CLSTN2: variants seen among roughly 807,000 people sequenced by gnomAD.
CLSTN2 encodes calsyntenin-2.
A neutral mutation model predicts 101.2 loss-of-function variants in CLSTN2; 48 were observed. That is an observed-to-expected ratio of 0.47 (90% CI 0.38 to 0.60). CLSTN2 has a LOEUF of 0.60. CLSTN2 is among the 20% of genes least tolerant of loss of function. The pLI is 0.00. For synonymous variants in CLSTN2, 481 were observed against 463.6 expected, an observed-to-expected ratio of 1.04 and a Z score of -0.48; for missense variants, 1,160 against 1,238.2, an observed-to-expected ratio of 0.94 and a Z score of 0.95.
chr3:140,018,048 T>C (rs1306304340), intron 1 of CLSTN2, among the ~76,000 whole-genome samples: 1 of 152,238 alleles, frequency 6.6e-6, no homozygotes, highest in East Asian at 1.9e-4. Flanking sequence ...ATGGAGGGCT[T>C]TGTTCTTTTG....
Position 140,563,108 on chromosome 3 carries a change from C to G in CLSTN2, c.2387C>G (p.Ser796Ter), listed in dbSNP as rs1935951684. The G allele has an allele frequency of 6.2e-7, 1 of 1,614,006 alleles. No individual in the cohort carries two copies. Among genetic ancestry groups the G allele is most frequent in the African/African-American group, 1.3e-5 (1 of 74,918 alleles). ...EVSILHEDQV[S>*]DKEHVNHLIV... Reference sequence around the variant, plus strand: ...AGCATCCTTCATGAAGACCAAGTCTCAGATAAGGAGCATGTCAATCATCTG... The same window carrying G: ...AGCATCCTTCATGAAGACCAAGTCTGAGATAAGGAGCATGTCAATCATCTG... Residue 796 changes from serine to a stop codon, truncating the protein, a stop_gained, in exon 15 of 17, where the codon TCA becomes TGA. Coordinates refer to ENST00000458420, the MANE Select transcript of CLSTN2 (RefSeq NM_022131.3). LOFTEE classifies it high-confidence loss of function.
At chr3:140,075,673 A>G (rs2008474745) in intron 1 of CLSTN2, among the ~76,000 whole-genome samples, 1 of 152,120 alleles carries the variant, frequency 6.6e-6, no homozygotes, top group African/African-American at 2.4e-5. Context: ...TGGTGTCAAG[A>G]AGCTATTATG....
chr3:140,000,273 A>G (rs908715875), intron 1 of CLSTN2, among the ~76,000 whole-genome samples: 1 of 152,210 alleles, frequency 6.6e-6, no homozygotes, highest in Non-Finnish European at 1.5e-5. Context: ...TTTAGAATTG[A>G]CAGAGAACCT....
At chr3:140,019,940 T>G (rs16849694) in intron 1 of CLSTN2, among the ~76,000 whole-genome samples, 13,547 of 152,084 alleles carry the variant, frequency 0.089, 1,784 homozygotes, top group African/African-American at 0.29. Flanking sequence ...GGGAAGGTGA[T>G]GAATGTTCTG....
chr3:140,562,263 C>A lies in CLSTN2; in HGVS notation c.2167C>A (p.Arg723=). The change falls in exon 13 of 17, where the codon CGA becomes AGA. Residue 723 remains arginine, a synonymous_variant. Transcript: ENST00000458420. ...LELNHSELHQ[R]HLDATNSTAG... ...GCTCAACCACAGTGAGCTCCACCAA[C>A]GACACCTGGATGCCACTAATTCTAC... is the stretch of plus-strand genomic sequence containing the variant. The A allele has an allele frequency of 1.2e-6, 2 of 1,613,970 alleles. No homozygotes were observed. The highest frequency in any genetic ancestry group is 1.7e-6 in the Non-Finnish European group (2 of 1,179,936).
At chr3:139,951,932 G>A (rs1465957702) in intron 1 of CLSTN2, among the ~76,000 whole-genome samples, 2 of 151,980 alleles carry the variant, frequency 1.3e-5, no homozygotes, top group African/African-American at 4.8e-5. Flanking sequence ...AGAGGTGAGG[G>A]TTTTTATTTT....
intron 1 of CLSTN2, among the ~76,000 whole-genome samples, chr3:140,015,100 T>C (rs2007174864): frequency 6.6e-6 from 1 of 152,082 alleles, no homozygotes; most frequent in Non-Finnish European, 1.5e-5. Flanking sequence ...ATAGGGGTGG[T>C]TTGGAGCAGC....
At chr3:140,005,644 G>A (rs2006939369) in intron 1 of CLSTN2, among the ~76,000 whole-genome samples, 1 of 152,152 alleles carries the variant, frequency 6.6e-6, no homozygotes, top group Non-Finnish European at 1.5e-5. Flanking sequence ...TTAGACCTGA[G>A]GAGACAAAAG....
At chr3:140,100,876 C>A (rs1204260122) in intron 1 of CLSTN2, among the ~76,000 whole-genome samples, 1 of 152,220 alleles carries the variant, frequency 6.6e-6, no homozygotes, top group Non-Finnish European at 1.5e-5. Context: ...ATCACCCTTC[C>A]ATGCTCATGT....
chr3:140,104,495 A>G (rs1018140742), intron 1 of CLSTN2, among the ~76,000 whole-genome samples: 2 of 152,202 alleles, frequency 1.3e-5, no homozygotes, highest in African/African-American at 2.4e-5. Context: ...GGCTAAGACT[A>G]TAGTAGTGTT....
intron 10 of CLSTN2, among the ~76,000 whole-genome samples, chr3:140,550,229 C>T (rs1259231973): frequency 1.3e-5 from 2 of 151,592 alleles, no homozygotes; most frequent in East Asian, 1.9e-4. Context: ...AATGGGAAGC[C>T]ACTGAAGGCT....
At chr3:140,076,734 G>T (rs1396267657) in intron 1 of CLSTN2, among the ~76,000 whole-genome samples, 4 of 142,550 alleles carry the variant, frequency 2.8e-5, no homozygotes, top group Admixed American at 1.5e-4. Context: ...GAACTCTACA[G>T]CAGTGAATGC....
At chr3:140,510,927 G>A (rs962698207) in intron 8 of CLSTN2, among the ~76,000 whole-genome samples, 4 of 152,170 alleles carry the variant, frequency 2.6e-5, no homozygotes, top group Non-Finnish European at 5.9e-5. Flanking sequence ...GCGTGCCATG[G>A]TGGTTTGCTG....
In CLSTN2 at chr3:140,566,800, C is replaced by T; in HGVS notation, c.*547C>T. 1 of 117,586 alleles carries T rather than the reference C, an allele frequency of 8.5e-6. No homozygotes were observed. The highest frequency in any genetic ancestry group is 2.0e-5 in the Non-Finnish European group (1 of 51,202). 7.3% of individuals were successfully genotyped at this position (117,586 alleles called of 1,614,324 possible). A position where few individuals can be genotyped will look rare whatever the true frequency, so the allele number is the denominator to read the frequency against. ...CTAAGTTTACAGGGAAAGGTACACACATTCTCTCTCTCTCTCTCTCTCTGT... is the reference window on the plus strand; with the variant it reads ...CTAAGTTTACAGGGAAAGGTACACATATTCTCTCTCTCTCTCTCTCTCTGT... On this transcript the variant is annotated 3_prime_UTR_variant, in exon 17 of 17. Transcript: ENST00000458420.
At chr3:140,484,311 T>G (rs1352307555) in intron 8 of CLSTN2, among the ~76,000 whole-genome samples, 1 of 152,230 alleles carries the variant, frequency 6.6e-6, no homozygotes. Context: ...TTCTGGCTTG[T>G]AGAGTTTCTG....
rs539743006 is a variant in CLSTN2, at chr3:140,226,708, A to G, written c.232+50635A>G. 2.4e-4 allele frequency among the ~76,000 whole-genome samples: 36 copies of G among 152,302 alleles called. No individual in the cohort carries two copies. The South Asian group carries it at 6.4e-3, about 27-fold the overall frequency. ...ATTTTCATGCTGCTGATAAAGACAT[A>G]CCCAAGGCTGAGCAACTTACAAAAG... is the stretch of plus-strand genomic sequence containing the variant. On this transcript the variant is annotated intron_variant, in intron 2 of 16. Coordinates refer to ENST00000458420, the MANE Select transcript of CLSTN2 (RefSeq NM_022131.3).
At chr3:140,034,453 A>T (rs1346477850) in intron 1 of CLSTN2, among the ~76,000 whole-genome samples, 1 of 152,210 alleles carries the variant, frequency 6.6e-6, no homozygotes, top group Non-Finnish European at 1.5e-5. Context: ...CAAAGTTTGA[A>T]ATGGGGCTTG....
intron 2 of CLSTN2, among the ~76,000 whole-genome samples, chr3:140,401,528 C>T (rs2088241551): frequency 6.6e-6 from 1 of 152,208 alleles, no homozygotes; most frequent in Non-Finnish European, 1.5e-5. Flanking sequence ...TTCTTTCCCT[C>T]TCTACTCTCC....
At chr3:140,465,350 G>C (rs1203129121) in intron 7 of CLSTN2, among the ~76,000 whole-genome samples, 1 of 152,204 alleles carries the variant, frequency 6.6e-6, no homozygotes, top group South Asian at 2.1e-4. Context: ...GGGAAGGAAA[G>C]TATCTCTTCT....
Sources: gnomAD v4.1 joint callset for allele counts (sites outside exome capture counted in the v4.1 genomes callset) on GRCh38, gnomAD v4.1.1 for gene constraint, MANE v1.5 for transcripts, NCBI Gene and HGNC (gene_info 2026-07-23, HGNC 2026-07-21) for gene names.